ROCK1: variants seen among roughly 807,000 people sequenced by gnomAD.
The protein encoded by ROCK1 is Rho associated coiled-coil containing protein kinase 1.
Under a neutral mutation model 196.8 loss-of-function variants are expected in ROCK1, and 36 were observed. The observed-to-expected ratio is 0.18, with a 90% confidence interval of 0.14 to 0.24. The LOEUF (loss-of-function observed/expected upper bound fraction) is 0.24, where lower values mean the gene tolerates loss of function less well. Ranked by LOEUF, ROCK1 falls within the 10% of genes least tolerant of loss-of-function variation. The probability of loss-of-function intolerance (pLI) is 1.00; values close to 1 mark genes in which losing one functional copy is unlikely to be tolerated. For synonymous variants in ROCK1, 443 were observed against 515.9 expected (o/e 0.86, Z 1.91); for missense variants, 920 against 1,562.0 (o/e 0.59, Z 6.93).
At chr18:21,014,564 A>G (rs958391595) in intron 13 of ROCK1, among the ~76,000 whole-genome samples, 1 of 152,232 alleles carries the variant, frequency 6.6e-6, no homozygotes, top group Non-Finnish European at 1.5e-5. Flanking sequence ...CTGTGTTTTA[A>G]AAGTTAAATA....
intron 3 of ROCK1, among the ~76,000 whole-genome samples, chr18:21,049,547 A>T (rs1308918550): frequency 6.6e-6 from 1 of 152,214 alleles, no homozygotes; most frequent in East Asian, 1.9e-4. Context: ...TTAGGAGCAA[A>T]GATTTATCTT....
intron 8 of ROCK1, among the ~76,000 whole-genome samples, chr18:21,039,814 T>C (rs1055388321): frequency 5.9e-5 from 9 of 151,964 alleles, no homozygotes; most frequent in Admixed American, 4.6e-4. Context: ...TCCCAGCACT[T>C]TGGGAGGCTC....
chr18:21,033,073 C>T (rs990130735), intron 9 of ROCK1, among the ~76,000 whole-genome samples: 7 of 151,760 alleles, frequency 4.6e-5, no homozygotes, highest in African/African-American at 9.7e-5. Context: ...GACACATGAC[C>T]GTGGTCCTAG....
Position 21,033,854 on chromosome 18 carries a change from TAAAAAAAA to T in ROCK1, c.1052-4927_1052-4920del, listed in dbSNP as rs71269004. On this transcript the variant is annotated intron_variant, in intron 9 of 32. Transcript: ENST00000399799. ...TAACTCAGTGAAACCCCGTTTCTAC[TAAAAAAAA>T]AAAAAAAAAAAAAAAAAAAAAATTA... 4.3e-3 allele frequency among the ~76,000 whole-genome samples: 145 copies of T among 33,464 alleles called. 1 individual carries two copies. Among genetic ancestry groups the T allele is most frequent in the African/African-American group, 0.012 (112 of 9,330 alleles). The allele number at this position is 33,464 out of a possible 152,430, so 22.0% of individuals were successfully genotyped here.
chr18:20,993,124 A>C (rs1292124082), intron 16 of ROCK1, among the ~76,000 whole-genome samples, 187 bp from the exon 17 acceptor site: 1 of 152,254 alleles, frequency 6.6e-6, no homozygotes, highest in African/African-American at 2.4e-5. Flanking sequence ...AATTGGATAT[A>C]ATCTAGTGCA....
chr18:21,048,322 C>T (rs965748250), intron 4 of ROCK1, among the ~76,000 whole-genome samples: 2 of 152,118 alleles, frequency 1.3e-5, no homozygotes, highest in African/African-American at 4.8e-5. Context: ...CTCACTTTCC[C>T]TTCATTTCTC....
chr18:21,065,214 C>T (rs373683898), intron 2 of ROCK1, among the ~76,000 whole-genome samples: 1 of 152,212 alleles, frequency 6.6e-6, no homozygotes, highest in South Asian at 2.1e-4. Context: ...TGATTATTCG[C>T]ATTACTTTCT....
At chr18:21,067,933 G>A (rs928528247) in intron 2 of ROCK1, among the ~76,000 whole-genome samples, 5 of 152,068 alleles carry the variant, frequency 3.3e-5, no homozygotes, top group East Asian at 1.9e-4. Context: ...CCTTGCGTAC[G>A]GATATCCAGT....
At position 20,992,896 on chromosome 18, in the gene ROCK1, G is replaced by A; in HGVS notation, c.1927C>T (p.His643Tyr). The A allele has an allele frequency of 6.2e-7, 1 of 1,612,544 alleles. No homozygotes were observed. Residue 643 changes from histidine (H) to tyrosine (Y), a missense_variant, in exon 17 of 33, where the codon CAT becomes TAT. Coordinates refer to ENST00000399799, the MANE Select transcript of ROCK1 (RefSeq NM_005406.3). ...SLQEEVKHLK[H>Y]NLEKVEGERK... ...TCTCCTTCCACTTTTTCGAGATTAT[G>A]TTTGAGATGCTTCACCTCCTCTTGT... is the stretch of plus-strand genomic sequence containing the variant.
intron 6 of ROCK1, 99 bp from the exon 7 acceptor site, chr18:21,042,808 T>C: frequency 8.5e-7 from 1 of 1,179,718 alleles, no homozygotes; most frequent in Non-Finnish European, 1.2e-6. Flanking sequence ...TCCAAATCTT[T>C]GAGCTATAAA....
At chr18:21,017,072 C>T (rs1439393299) in intron 12 of ROCK1, among the ~76,000 whole-genome samples, 1 of 151,868 alleles carries the variant, frequency 6.6e-6, no homozygotes, top group African/African-American at 2.4e-5. Context: ...TTTCCATTGA[C>T]TCTTCTGGTT....
chr18:21,061,953 G>C (rs1390165509), intron 2 of ROCK1, among the ~76,000 whole-genome samples: 5 of 152,164 alleles, frequency 3.3e-5, no homozygotes, highest in African/African-American at 9.7e-5. Context: ...AAGCTAGAAT[G>C]AATCTTGTGA....
chr18:21,015,566 TAACTA>T (rs2035855509), intron 12 of ROCK1, 87 bp from the exon 13 acceptor site: 2 of 842,348 alleles, frequency 2.4e-6, no homozygotes, highest in Non-Finnish European at 3.9e-6. Flanking sequence ...CTTTTCCACT[TAACTA>T]GAGTTTTGTA....
chr18:20,975,592 T>A (rs1486715314), intron 22 of ROCK1, among the ~76,000 whole-genome samples: 1 of 152,150 alleles, frequency 6.6e-6, no homozygotes, highest in Non-Finnish European at 1.5e-5. Flanking sequence ...TGGCACTTTT[T>A]AAAATTTAAT....
chr18:21,108,304 T>G lies in ROCK1; in HGVS notation c.93+2514A>C, dbSNP rs539801992. On this transcript the variant is annotated intron_variant, in intron 1 of 32. Transcript: ENST00000399799. Reference sequence around the variant, plus strand: ...CTGGAGGCCTTGATGGCTTACCTCCTCCACTCTTCCTCTTTGTTCAACCTT... The same window carrying G: ...CTGGAGGCCTTGATGGCTTACCTCCGCCACTCTTCCTCTTTGTTCAACCTT... Among the ~76,000 whole-genome samples the G allele has an allele frequency of 6.6e-5, 10 of 152,314 alleles. No individual in the cohort carries two copies. The South Asian group carries it at 1.0e-3, about 16-fold the overall frequency.
intron 1 of ROCK1, among the ~76,000 whole-genome samples, chr18:21,080,765 T>C (rs2036476225): frequency 6.6e-6 from 1 of 152,128 alleles, no homozygotes; most frequent in Non-Finnish European, 1.5e-5. Flanking sequence ...AGACATTACA[T>C]ATTGATAAAA....
At chr18:21,015,384 G>T (rs762200985) in intron 13 of ROCK1, 47 bp downstream of exon 13, 4 of 1,234,834 alleles carry the variant, frequency 3.2e-6, no homozygotes, top group Non-Finnish European at 1.2e-6. Flanking sequence ...CAATTTGAAA[G>T]AGGGAAAAAT....
intron 13 of ROCK1, among the ~76,000 whole-genome samples, chr18:21,011,173 GGTAGTATGTTAGGGTTAA>G (rs1302057524): frequency 6.6e-6 from 1 of 151,908 alleles, no homozygotes; most frequent in Non-Finnish European, 1.5e-5. Flanking sequence ...TGTCATTATT[GGTAGTATGTTAGGGTTAA>G]GTCTGCCGTT....
At chr18:21,079,085 T>C (rs1421772781) in intron 1 of ROCK1, among the ~76,000 whole-genome samples, 7 of 152,266 alleles carry the variant, frequency 4.6e-5, no homozygotes, top group African/African-American at 1.7e-4. Context: ...CATGGACAGT[T>C]TGGAGTAATT....
Sources: gnomAD v4.1 joint callset for allele counts (sites outside exome capture counted in the v4.1 genomes callset) on GRCh38, gnomAD v4.1.1 for gene constraint, MANE v1.5 for transcripts, NCBI Gene and HGNC (gene_info 2026-07-23, HGNC 2026-07-21) for gene names.